Variants in SCTR observed in about 807,000 individuals in gnomAD.
The protein encoded by SCTR is pancreatic secretin receptor.
In SCTR, 56 loss-of-function variants were observed where a neutral mutation model predicts 60.8. That is an observed-to-expected ratio of 0.92 (90% CI 0.74 to 1.15). SCTR has a LOEUF of 1.15. SCTR is among the 50% of genes most tolerant of loss of function. The pLI is 0.00. For missense variants in SCTR, 562 were observed against 550.4 expected (o/e 1.02, Z -0.21); for synonymous variants, 202 against 217.0 (o/e 0.93, Z 0.61).
chr2:119,492,826 TTTTTAATA>T (rs1678187139), intron 2 of SCTR, among the ~76,000 whole-genome samples: 1 of 134,962 alleles, frequency 7.4e-6, no homozygotes, highest in East Asian at 2.2e-4. Flanking sequence ...TTATTTTACT[TTTTTAATA>T]TTTATTTATT....
chr2:119,522,252 C>T (rs1202975566), intron 1 of SCTR, among the ~76,000 whole-genome samples: 2 of 151,790 alleles, frequency 1.3e-5, no homozygotes, highest in African/African-American at 2.4e-5. Flanking sequence ...GCCAAGATCG[C>T]GCCACTGCGC....
At chr2:119,492,807 T>C (rs550548348) in intron 2 of SCTR, among the ~76,000 whole-genome samples, 2 of 151,588 alleles carry the variant, frequency 1.3e-5, no homozygotes, top group East Asian at 1.9e-4. Context: ...AATCATACAG[T>C]GTGTTCCTTT....
intron 3 of SCTR, among the ~76,000 whole-genome samples, chr2:119,477,387 G>C (rs999584086): frequency 7.9e-5 from 12 of 152,188 alleles, no homozygotes; most frequent in Non-Finnish European, 1.8e-4. Flanking sequence ...TCACCGTGTA[G>C]AGGAGAGCTG....
intron 1 of SCTR, among the ~76,000 whole-genome samples, chr2:119,496,361 A>G (rs2104906726): frequency 6.6e-6 from 1 of 152,190 alleles, no homozygotes; most frequent in East Asian, 1.9e-4. Context: ...CCTTTGGCCA[A>G]CTAACTGTAC....
intron 7 of SCTR, among the ~76,000 whole-genome samples, chr2:119,457,660 C>T (rs766907515): frequency 2.0e-5 from 3 of 151,794 alleles, no homozygotes; most frequent in Non-Finnish European, 4.4e-5. Flanking sequence ...TTGCAGTGGG[C>T]TGTGATTGAA....
At chr2:119,465,973 G>A in intron 4 of SCTR, 87 bp from the exon 5 acceptor site, 3 of 874,368 alleles carry the variant, frequency 3.4e-6, no homozygotes, top group Non-Finnish European at 5.7e-6. Flanking sequence ...CAGGCAGCTT[G>A]AACCCACCGA....
At chr2:119,509,606 T>C (rs1049137104) in intron 1 of SCTR, among the ~76,000 whole-genome samples, 12 of 152,208 alleles carry the variant, frequency 7.9e-5, no homozygotes, top group African/African-American at 2.9e-4. Flanking sequence ...CAATGGAGGA[T>C]AGTTTAACTT....
At chr2:119,462,364 G>A (rs2579644) in intron 6 of SCTR, among the ~76,000 whole-genome samples, 71,433 of 152,098 alleles carry the variant, frequency 0.47, 18,499 homozygotes, top group Admixed American at 0.57. Context: ...GGAAACCAAG[G>A]CCTAGAAAGG....
chr2:119,514,205 C>T, intron 1 of SCTR, among the ~76,000 whole-genome samples: 1 of 152,170 alleles, frequency 6.6e-6, no homozygotes. Context: ...CCAACAACTG[C>T]CCCCTGGGAA....
chr2:119,466,568 A>G (rs551433755), intron 4 of SCTR, among the ~76,000 whole-genome samples: 2 of 152,118 alleles, frequency 1.3e-5, no homozygotes, highest in Non-Finnish European at 2.9e-5. Context: ...CCTGGGCAAC[A>G]TTGCGAAACA....
intron 7 of SCTR, among the ~76,000 whole-genome samples, chr2:119,460,920 G>A (rs1027138999): frequency 6.6e-6 from 1 of 152,182 alleles, no homozygotes; most frequent in Non-Finnish European, 1.5e-5. Context: ...AGTCCAACCA[G>A]AGTGCACCTC....
chr2:119,505,154 A>G (rs866778374), intron 1 of SCTR, among the ~76,000 whole-genome samples: 72 of 152,278 alleles, frequency 4.7e-4, no homozygotes, highest in African/African-American at 1.6e-3. Context: ...TAGAAATACC[A>G]TTTGACCCAG....
Position 119,491,672 on chromosome 2 carries a change from C to T in SCTR, c.193+2756G>A, listed in dbSNP as rs6756588. ...GATTACAGGCGCCCACAACCACACC[C>T]GGCTAATTTTGTATTTTTAGTAGAG... is the stretch of plus-strand genomic sequence containing the variant. On this transcript the variant is annotated intron_variant, in intron 2 of 12. Transcript: ENST00000019103. 4.6e-5 allele frequency among the ~76,000 whole-genome samples: 7 copies of T among 152,180 alleles called. No individual in the cohort carries two copies. In the South Asian group the frequency reaches 8.3e-4, roughly 18 times the overall value.
chr2:119,467,163 C>T (rs13430420), intron 4 of SCTR, among the ~76,000 whole-genome samples: 10,946 of 151,842 alleles, frequency 0.072, 1,288 homozygotes, highest in African/African-American at 0.25. Context: ...GTGGATCACT[C>T]GAGGTTAGAG....
intron 2 of SCTR, chr2:119,479,697 A>G (rs925312691): frequency 6.6e-6 from 1 of 152,238 alleles, no homozygotes; most frequent in Admixed American, 6.5e-5. Flanking sequence ...GTTGCTTTCT[A>G]CATCACTTGA....
chr2:119,523,548 G>A (rs1262517198), intron 1 of SCTR, among the ~76,000 whole-genome samples: 2 of 151,782 alleles, frequency 1.3e-5, no homozygotes, highest in Non-Finnish European at 2.9e-5. Context: ...AGACGGTGTG[G>A]GGAGAGCGGC....
chr2:119,444,440 T>C (rs561446802), intron 11 of SCTR, among the ~76,000 whole-genome samples: 1,594 of 28,236 alleles, frequency 0.056, 191 homozygotes, highest in Non-Finnish European at 0.078. Context: ...AATATACACA[T>C]ATATATACGT....
intron 8 of SCTR, 84 bp from the exon 9 acceptor site, chr2:119,452,163 C>T (rs1377561541): frequency 6.1e-6 from 5 of 817,478 alleles, no homozygotes; most frequent in African/African-American, 5.0e-5. Context: ...CCTGAGGTGG[C>T]CCTTGGTATG....
chr2:119,500,328 C>A (rs934396893), intron 1 of SCTR, among the ~76,000 whole-genome samples: 1 of 152,132 alleles, frequency 6.6e-6, no homozygotes, highest in Non-Finnish European at 1.5e-5. Context: ...TCTCAAAAAA[C>A]TAAAAATAGA....
Sources: gnomAD v4.1 joint callset for allele counts (sites outside exome capture counted in the v4.1 genomes callset) on GRCh38, gnomAD v4.1.1 for gene constraint, MANE v1.5 for transcripts, NCBI Gene and HGNC (gene_info 2026-07-23, HGNC 2026-07-21) for gene names.